EIF2AK2: variants seen among roughly 807,000 people sequenced by gnomAD.
EIF2AK2 encodes the protein eukaryotic translation initiation factor 2 alpha kinase 2, also known as interferon-induced, double-stranded RNA-activated protein kinase.
Under a neutral mutation model 70.5 loss-of-function variants are expected in EIF2AK2, and 40 were observed. The observed-to-expected ratio is 0.57, with a 90% confidence interval of 0.44 to 0.74. The LOEUF (loss-of-function observed/expected upper bound fraction) is 0.74. Among genes scored for constraint, EIF2AK2 ranks in the 30% least tolerant of loss-of-function variants. EIF2AK2 has a pLI of 0.00. For synonymous variants in EIF2AK2, 198 were observed against 220.9 expected, an observed-to-expected ratio of 0.90 and a Z score of 0.92; for missense variants, 555 against 644.3, an observed-to-expected ratio of 0.86 and a Z score of 1.50.
chr2:37,125,868 C>T (rs4648212), intron 11 of EIF2AK2, among the ~76,000 whole-genome samples: 5,688 of 152,268 alleles, frequency 0.037, 147 homozygotes, highest in Middle Eastern at 0.054. Context: ...TTATCTTAGA[C>T]AAAATCACTT....
intron 13 of EIF2AK2, chr2:37,115,228 T>TTC: frequency 4.9e-6 from 1 of 203,708 alleles, no homozygotes; most frequent in African/African-American, 2.5e-5. Flanking sequence ...TTTTTTTTTT[T>TTC]TTTTTTTTTT....
intron 13 of EIF2AK2, among the ~76,000 whole-genome samples, chr2:37,116,256 G>C (rs1352136833): frequency 1.3e-5 from 2 of 151,842 alleles, no homozygotes; most frequent in African/African-American, 4.8e-5. Flanking sequence ...GTCTCATTTT[G>C]TTATCCAGGA....
chr2:37,142,003 G>T (rs1675349738), intron 4 of EIF2AK2, among the ~76,000 whole-genome samples: 1 of 152,170 alleles, frequency 6.6e-6, no homozygotes, highest in African/African-American at 2.4e-5. Context: ...CAAGGCAAGA[G>T]ATATTACAGT....
At chr2:37,148,578 A>C (rs1675637617) in intron 2 of EIF2AK2, 1 of 794,152 alleles carries the variant, frequency 1.3e-6, no homozygotes, top group Non-Finnish European at 2.2e-6. Context: ...AATGAGTGCC[A>C]TAAAACCTAC....
intron 4 of EIF2AK2, among the ~76,000 whole-genome samples, chr2:37,141,921 CT>C (rs1459063845): frequency 1.3e-5 from 2 of 152,124 alleles, no homozygotes; most frequent in Non-Finnish European, 2.9e-5. Context: ...AAAGAAGTCA[CT>C]TTTTCTTGTT....
intron 13 of EIF2AK2, among the ~76,000 whole-genome samples, chr2:37,119,709 A>G (rs974436066): frequency 6.6e-6 from 1 of 151,416 alleles, no homozygotes; most frequent in African/African-American, 2.4e-5. Context: ...CTCCTGCCTC[A>G]GCCTCCCGAG....
chr2:37,133,751 A>G (rs956890796), intron 10 of EIF2AK2, among the ~76,000 whole-genome samples: 2 of 152,184 alleles, frequency 1.3e-5, no homozygotes, highest in Non-Finnish European at 2.9e-5. Flanking sequence ...CCAAACTTTC[A>G]TTGCTTCCTA....
Position 37,130,050 on chromosome 2 carries a change from A to G in EIF2AK2, c.786-3639T>C, listed in dbSNP as rs534825072. Among the ~76,000 whole-genome samples, 3 of 152,306 alleles carry G rather than the reference A, an allele frequency of 2.0e-5. No homozygotes were observed. The South Asian group carries it at 6.2e-4, about 32-fold the overall frequency. ...GTGGTCCCACAATATCCCCTAATGG[A>G]CTATGGGGACTCAAGTCCATCATCT... is the stretch of plus-strand genomic sequence containing the variant. On this transcript the variant is annotated intron_variant, in intron 10 of 16. Transcript: ENST00000233057.
intron 4 of EIF2AK2, among the ~76,000 whole-genome samples, chr2:37,144,364 T>TAA (rs35471741): frequency 0.84 from 123,204 of 146,812 alleles, 52,933 homozygotes; most frequent in East Asian, 1. Flanking sequence ...TCCTTCTACT[T>TAA]AAAAAAAAAA....
chr2:37,150,630 C>T (rs933736459), intron 1 of EIF2AK2, among the ~76,000 whole-genome samples: 1 of 152,148 alleles, frequency 6.6e-6, no homozygotes, highest in Non-Finnish European at 1.5e-5. Flanking sequence ...TCAGGGAAAA[C>T]TGATTTACAC....
intron 4 of EIF2AK2, among the ~76,000 whole-genome samples, chr2:37,145,786 T>C (rs1165337325): frequency 9.5e-6 from 1 of 105,744 alleles, no homozygotes. Flanking sequence ...TTTTTTGAGA[T>C]AGGATCCCCA....
rs1673828826 is a variant in EIF2AK2 at position 37,101,581 on chromosome 2, G to A, written c.*5692C>T. On this transcript the variant is annotated 3_prime_UTR_variant, in exon 17 of 17. Coordinates refer to ENST00000233057, the MANE Select transcript of EIF2AK2 (RefSeq NM_001135651.3). ...GCATCACCTATGGAGTATTCTTGGGGGAAAATAAATGAACCAGGATCAAAT... is the reference window on the plus strand; with the variant it reads ...GCATCACCTATGGAGTATTCTTGGGAGAAAATAAATGAACCAGGATCAAAT... 1 of 152,136 alleles carries A rather than the reference G, an allele frequency of 6.6e-6. No homozygotes were observed. Among genetic ancestry groups the A allele is most frequent in the African/African-American group, 2.4e-5 (1 of 41,434 alleles). 9.4% of individuals were successfully genotyped at this position (152,136 alleles called of 1,614,324 possible).
rs1572992839 is a variant in EIF2AK2, at chr2:37,105,259, T to G, written c.*2014A>C. On this transcript the variant is annotated 3_prime_UTR_variant, in exon 17 of 17. Transcript: ENST00000233057. ...TCCCCCAAAATCTCATGTTGAAATT[T>G]GATCCCAGTGTTGGAGGTGGGGCCT... 1 of 152,184 alleles carries G rather than the reference T, an allele frequency of 6.6e-6. No homozygotes were observed. The highest frequency in any genetic ancestry group is 6.5e-5 in the Admixed American group (1 of 15,282). 9.4% of individuals were successfully genotyped at this position (152,184 alleles called of 1,614,324 possible).
chr2:37,112,063 T>A (rs1453048692), intron 14 of EIF2AK2, among the ~76,000 whole-genome samples: 2 of 151,520 alleles, frequency 1.3e-5, no homozygotes, highest in East Asian at 3.9e-4. Flanking sequence ...CTCATTGCCT[T>A]GAGCTGGGCC....
chr2:37,125,184 G>C (rs1442025629), intron 11 of EIF2AK2, among the ~76,000 whole-genome samples: 2 of 152,004 alleles, frequency 1.3e-5, no homozygotes, highest in East Asian at 3.9e-4. Context: ...AGCTAATTTT[G>C]TATTTTCAGT....
intron 11 of EIF2AK2, among the ~76,000 whole-genome samples, chr2:37,124,303 C>A (rs1674657441): frequency 6.6e-6 from 1 of 151,632 alleles, no homozygotes; most frequent in Non-Finnish European, 1.5e-5. Flanking sequence ...GCTTTGTCGC[C>A]CAGGCTGGAG....
rs184062730 is a variant in EIF2AK2, at chr2:37,142,269, T to C, written c.241-568A>G. On this transcript the variant is annotated intron_variant, in intron 4 of 16. Coordinates refer to ENST00000233057, the MANE Select transcript of EIF2AK2 (RefSeq NM_001135651.3). ...TCTCAGCCTCACAAGCACCTGGAAC[T>C]ACAGGCACACACCACCATGCCTGGG... 2.6e-5 allele frequency among the ~76,000 whole-genome samples: 4 copies of C among 152,254 alleles called. No individual in the cohort carries two copies. The East Asian group carries it at 5.8e-4, about 22-fold the overall frequency.
At chr2:37,117,613 T>G (rs1358555310) in intron 13 of EIF2AK2, among the ~76,000 whole-genome samples, 1 of 152,176 alleles carries the variant, frequency 6.6e-6, no homozygotes, top group Admixed American at 6.5e-5. Context: ...TATAGGGCTG[T>G]AGATCATATA....
chr2:37,137,918 C>CT (rs1346405222), intron 8 of EIF2AK2, among the ~76,000 whole-genome samples: 1 of 151,992 alleles, frequency 6.6e-6, no homozygotes. Flanking sequence ...CGAGACCAGC[C>CT]TGAACAACAT....
Sources: allele counts gnomAD v4.1 joint callset (sites outside exome capture counted in the v4.1 genomes callset), GRCh38; gene constraint gnomAD v4.1.1; transcripts MANE v1.5; gene names NCBI Gene and HGNC (gene_info 2026-07-23, HGNC 2026-07-21).